Variants in GRHL2 observed in about 807,000 individuals in gnomAD.
GRHL2 encodes the protein grainyhead like transcription factor 2, also known as grainyhead-like protein 2 homolog.
Under a neutral mutation model 83.8 loss-of-function variants are expected in GRHL2, and 21 were observed. The observed-to-expected ratio is 0.25, with a 90% confidence interval of 0.18 to 0.36. The LOEUF (loss-of-function observed/expected upper bound fraction) is 0.36, where lower values mean the gene tolerates loss of function less well. GRHL2 is among the 10% of genes least tolerant of loss of function. The pLI, the probability that GRHL2 is intolerant of heterozygous loss-of-function variation, is 1.00. For missense variants in GRHL2, 623 were observed against 781.8 expected (o/e 0.80, Z 2.42); for synonymous variants, 280 against 278.9 (o/e 1.00, Z -0.04).
At chr8:101,505,994 C>G (rs924789822) in intron 1 of GRHL2, among the ~76,000 whole-genome samples, 1 of 152,186 alleles carries the variant, frequency 6.6e-6, no homozygotes, top group East Asian at 1.9e-4. Context: ...CTATTTAGAG[C>G]TTTCAGGGCT....
At chr8:101,567,239 T>A (rs1276229987) in intron 4 of GRHL2, among the ~76,000 whole-genome samples, 1 of 152,204 alleles carries the variant, frequency 6.6e-6, no homozygotes, top group African/African-American at 2.4e-5. Context: ...AAGTATATGT[T>A]AGCATACCTT....
intron 8 of GRHL2, among the ~76,000 whole-genome samples, chr8:101,600,211 G>A (rs1333898074): frequency 1.3e-5 from 2 of 152,206 alleles, no homozygotes; most frequent in Non-Finnish European, 2.9e-5. Context: ...TGGGCAAGTG[G>A]TGATAGAGTG....
intron 9 of GRHL2, among the ~76,000 whole-genome samples, chr8:101,624,899 G>C (rs1294666117): frequency 6.6e-6 from 1 of 151,956 alleles, no homozygotes; most frequent in Non-Finnish European, 1.5e-5. Context: ...CATTCTCCTG[G>C]AATTGATAAA....
downstream of GRHL2, among the ~76,000 whole-genome samples, chr8:101,672,305 A>G (rs1814223569): frequency 6.6e-6 from 1 of 151,512 alleles, no homozygotes; most frequent in South Asian, 2.1e-4. Context: ...AAAAACTTTG[A>G]AAAAAAATTA....
At chr8:101,494,684 A>G (rs1053514934) in intron 1 of GRHL2, among the ~76,000 whole-genome samples, 1 of 152,240 alleles carries the variant, frequency 6.6e-6, no homozygotes, top group African/African-American at 2.4e-5. Flanking sequence ...TTGTGATACA[A>G]CAGAACTCGA....
chr8:101,671,904 G>A (rs1038287314), downstream of GRHL2, among the ~76,000 whole-genome samples: 19 of 152,086 alleles, frequency 1.2e-4, no homozygotes, highest in East Asian at 1.9e-4. Flanking sequence ...TACAGCCACC[G>A]CTGTTCTGCA....
At chr8:101,586,236 C>T (rs926335909) in intron 7 of GRHL2, among the ~76,000 whole-genome samples, 1 of 152,072 alleles carries the variant, frequency 6.6e-6, no homozygotes, top group African/African-American at 2.4e-5. Context: ...CCTCATGTTT[C>T]TTAAAAGAGG....
Position 101,631,555 on chromosome 8 carries a change from C to A in GRHL2, c.1258-82C>A, listed in dbSNP as rs149764652. On this transcript the variant is annotated intron_variant, in intron 9 of 15. Coordinates refer to ENST00000646743, the MANE Select transcript of GRHL2 (RefSeq NM_024915.4). The stretch of plus-strand genomic sequence containing the variant: ...CCTCCTCCCCTGTATTGTTTCATAT[C>A]CTCATGACTTATGTGTGACATGACT... 362 of 1,072,650 alleles carry A rather than the reference C, an allele frequency of 3.4e-4. 1 individual carries two copies. The African/African-American group carries it at 5.1e-3, about 15-fold the overall frequency. 66.4% of individuals were successfully genotyped at this position (1,072,650 alleles called of 1,614,324 possible). A position where few individuals can be genotyped will look rare whatever the true frequency, so the allele number is the denominator to read the frequency against.
chr8:101,508,520 AAAG>A (rs1292030086), intron 1 of GRHL2, among the ~76,000 whole-genome samples: 1 of 152,074 alleles, frequency 6.6e-6, no homozygotes, highest in Non-Finnish European at 1.5e-5. Flanking sequence ...AGTCAGTAAA[AAAG>A]AGTTTGTTAG....
At chr8:101,499,638 T>C (rs1408934589) in intron 1 of GRHL2, among the ~76,000 whole-genome samples, 3 of 152,220 alleles carry the variant, frequency 2.0e-5, no homozygotes, top group African/African-American at 7.2e-5. Context: ...CAACTAGGTT[T>C]AACCTTGGAA....
downstream of GRHL2, among the ~76,000 whole-genome samples, chr8:101,674,195 A>G (rs894404038): frequency 6.6e-6 from 1 of 152,186 alleles, no homozygotes; most frequent in Non-Finnish European, 1.5e-5. Context: ...GAAGGCAAGA[A>G]ATAACTGAAA....
At chr8:101,597,979 T>C (rs1316513717) in intron 7 of GRHL2, among the ~76,000 whole-genome samples, 1 of 152,182 alleles carries the variant, frequency 6.6e-6, no homozygotes, top group Non-Finnish European at 1.5e-5. Context: ...TGAAGATAAG[T>C]ATATCCCAAA....
At chr8:101,521,666 T>C (rs924166485) in intron 1 of GRHL2, among the ~76,000 whole-genome samples, 18 of 152,370 alleles carry the variant, frequency 1.2e-4, no homozygotes, top group Middle Eastern at 6.8e-3. Context: ...TTAACTTTCA[T>C]GGTTTTTAAG....
In GRHL2 at chr8:101,660,394, C is replaced by A. The variant is rs145372458; in HGVS notation, c.1699-4060C>A. On this transcript the variant is annotated intron_variant, in intron 14 of 15. Transcript: ENST00000646743. Reference sequence around the variant, plus strand: ...GCATTTGATTGGTATGGTCACCCATCAGTCATCCTTCACTCACCACATTGT... The same window carrying A: ...GCATTTGATTGGTATGGTCACCCATAAGTCATCCTTCACTCACCACATTGT... Among the ~76,000 whole-genome samples, 244 of 152,304 alleles carry A rather than the reference C, an allele frequency of 1.6e-3. 1 individual carries two copies. Among genetic ancestry groups the A allele is most frequent in the African/African-American group, 5.6e-3 (234 of 41,568 alleles).
chr8:101,599,224 G>C, intron 8 of GRHL2, 73 bp downstream of exon 8: 1 of 985,864 alleles, frequency 1.0e-6, no homozygotes, highest in Non-Finnish European at 1.6e-6. Context: ...TTTTTTAAAA[G>C]CCTGTATCAG....
At position 101,640,111 on chromosome 8, in the gene GRHL2, C is replaced by T. The variant is rs188862120; in HGVS notation, c.1517+3183C>T. On this transcript the variant is annotated intron_variant, in intron 12 of 15. Coordinates refer to ENST00000646743, the MANE Select transcript of GRHL2 (RefSeq NM_024915.4). ...AACACCAGGTCCCTTGCTGCACAAT[C>T]GAATCACCTGGGGGTTTAAAAAATA... Among the ~76,000 whole-genome samples the T allele has an allele frequency of 1.8e-3, 268 of 152,284 alleles. 1 individual carries two copies. Among genetic ancestry groups the T allele is most frequent in the African/African-American group, 6.1e-3 (254 of 41,562 alleles).
intron 7 of GRHL2, among the ~76,000 whole-genome samples, chr8:101,592,100 CTT>C (rs11382067): frequency 5.5e-5 from 5 of 90,310 alleles, no homozygotes; most frequent in African/African-American, 1.4e-4. Flanking sequence ...TCTTTCTTTT[CTT>C]TTTTTTTTTT....
In GRHL2 at chr8:101,601,786, G is replaced by A. The variant is rs1042818006; in HGVS notation, c.1098+2635G>A. On this transcript the variant is annotated intron_variant, in intron 8 of 15. Transcript: ENST00000646743. ...TCCAAATATTTTTCTCCAGACTACT[G>A]AAGAGCATTTAATGTTTTATTTTAC... is the stretch of plus-strand genomic sequence containing the variant. Among the ~76,000 whole-genome samples, 65 of 152,168 alleles carry A rather than the reference G, an allele frequency of 4.3e-4. 4 individuals carry two copies. Among genetic ancestry groups the A allele is most frequent in the Non-Finnish European group, 4.4e-5 (3 of 68,036 alleles).
intron 15 of GRHL2, among the ~76,000 whole-genome samples, chr8:101,665,602 C>T (rs902826493): frequency 1.3e-5 from 2 of 152,138 alleles, no homozygotes; most frequent in African/African-American, 2.4e-5. Flanking sequence ...GTCTTATTGC[C>T]GAGCAGAAAT....
Sources: gnomAD v4.1 joint callset for allele counts (sites outside exome capture counted in the v4.1 genomes callset) on GRCh38, gnomAD v4.1.1 for gene constraint, MANE v1.5 for transcripts, NCBI Gene and HGNC (gene_info 2026-07-23, HGNC 2026-07-21) for gene names.